The following CDH9 variants were observed in gnomAD, a reference collection of about 807,000 sequenced individuals.
CDH9 encodes cadherin 9, also known as cadherin-9.
A neutral mutation model predicts 70.9 loss-of-function variants in CDH9; 28 were observed. The ratio of observed to expected loss-of-function variants is 0.40; its 90% CI spans 0.29 to 0.54. CDH9 has a LOEUF of 0.54. CDH9 is among the 20% of genes least tolerant of loss of function. The probability of loss-of-function intolerance (pLI) is 0.59; values close to 1 mark genes in which losing one functional copy is unlikely to be tolerated. For missense variants in CDH9, 874 were observed against 984.4 expected, an observed-to-expected ratio of 0.89 and a Z score of 1.50; for synonymous variants, 409 against 343.1, an observed-to-expected ratio of 1.19 and a Z score of -2.12.
intron 2 of CDH9, among the ~76,000 whole-genome samples, chr5:26,925,239 C>T (rs1178374201): frequency 2.0e-5 from 3 of 152,138 alleles, no homozygotes; most frequent in African/African-American, 4.8e-5. Context: ...TTAATGATCG[C>T]CATTCTAACT....
At chr5:26,907,783 T>C (rs936251593) in intron 3 of CDH9, among the ~76,000 whole-genome samples, 1 of 152,046 alleles carries the variant, frequency 6.6e-6, no homozygotes, top group Admixed American at 6.6e-5. Context: ...TGTAGGACAT[T>C]TTTCAGTATA....
At chr5:26,947,299 T>A (rs1741771171) in intron 2 of CDH9, among the ~76,000 whole-genome samples, 1 of 152,130 alleles carries the variant, frequency 6.6e-6, no homozygotes. Flanking sequence ...AAATTTCTAT[T>A]CATAGAAAGA....
At chr5:26,900,900 A>G (rs1489302128) in intron 7 of CDH9, among the ~76,000 whole-genome samples, 4 of 152,080 alleles carry the variant, frequency 2.6e-5, no homozygotes, top group South Asian at 2.1e-4. Flanking sequence ...AAATAGATGA[A>G]TACTTTTATT....
intron 2 of CDH9, among the ~76,000 whole-genome samples, chr5:26,931,028 A>C (rs1262440744): frequency 6.6e-6 from 1 of 152,148 alleles, no homozygotes; most frequent in African/African-American, 2.4e-5. Context: ...TTCCACTATA[A>C]AGATTTTCAG....
chr5:26,929,752 C>A (rs1741407777), intron 2 of CDH9, among the ~76,000 whole-genome samples: 1 of 152,028 alleles, frequency 6.6e-6, no homozygotes, highest in Non-Finnish European at 1.5e-5. Flanking sequence ...GAAAAACCAA[C>A]TTTACATATT....
chr5:26,905,909 T>A (rs1197646368), intron 5 of CDH9, 50 bp downstream of exon 5: 2 of 1,353,114 alleles, frequency 1.5e-6, no homozygotes, highest in African/African-American at 2.9e-5. Context: ...ACTCGGCTAC[T>A]AGTGTATTTG....
chr5:26,902,414 G>A (rs1355060538), intron 7 of CDH9, 62 bp downstream of exon 7: 4 of 1,154,578 alleles, frequency 3.5e-6, no homozygotes, highest in Non-Finnish European at 3.7e-6. Context: ...TTTTCACACA[G>A]TTTGTAAATA....
chr5:26,906,296 A>G (rs1024762530), intron 4 of CDH9, among the ~76,000 whole-genome samples, 170 bp from the exon 5 acceptor site: 10 of 152,142 alleles, frequency 6.6e-5, no homozygotes, highest in Admixed American at 1.3e-4. Context: ...AACAGGAAGG[A>G]TTTTCCCACG....
chr5:26,932,107 C>G (rs935223706), intron 2 of CDH9, among the ~76,000 whole-genome samples: 17 of 139,218 alleles, frequency 1.2e-4, no homozygotes, highest in African/African-American at 4.4e-4. Context: ...AGTGTTATTA[C>G]TTTTCAAATA....
At chr5:26,922,629 A>G (rs1741264726) in intron 2 of CDH9, among the ~76,000 whole-genome samples, 1 of 152,026 alleles carries the variant, frequency 6.6e-6, no homozygotes, top group African/African-American at 2.4e-5. Flanking sequence ...GATATTAATG[A>G]GCAATAAGAA....
At chr5:27,036,765 G>A (rs1477434159) in intron 1 of CDH9, among the ~76,000 whole-genome samples, 2 of 151,406 alleles carry the variant, frequency 1.3e-5, no homozygotes, top group Non-Finnish European at 3.0e-5. Context: ...AGAGATGTTG[G>A]TATTTCAACA....
chr5:26,926,928 C>CA (rs750868451), intron 2 of CDH9, among the ~76,000 whole-genome samples: 117 of 128,254 alleles, frequency 9.1e-4, no homozygotes, highest in Middle Eastern at 4.2e-3. Flanking sequence ...CCCCCCCCCG[C>CA]AAAAAAAAAA....
chr5:26,949,657 AT>A (rs1306385006), intron 2 of CDH9, among the ~76,000 whole-genome samples: 1 of 152,210 alleles, frequency 6.6e-6, no homozygotes, highest in African/African-American at 2.4e-5. Flanking sequence ...TTTTCTAAAT[AT>A]TCTTTGGGTA....
chr5:26,967,948 A>G (rs1025632339), intron 2 of CDH9, among the ~76,000 whole-genome samples: 3 of 151,508 alleles, frequency 2.0e-5, no homozygotes, highest in African/African-American at 4.8e-5. Flanking sequence ...CTTGGCCTCA[A>G]GCGATTCTCT....
At chr5:26,934,778 A>C (rs1277422800) in intron 2 of CDH9, among the ~76,000 whole-genome samples, 1 of 152,216 alleles carries the variant, frequency 6.6e-6, no homozygotes, top group Non-Finnish European at 1.5e-5. Context: ...AAAAAGTGAA[A>C]GCACCAGCCC....
chr5:26,885,721 T>C lies in CDH9; in HGVS notation c.1775A>G (p.Asp592Gly), dbSNP rs779111151. ...GTLTIRVCAC[D>G]NQGNMQSCTA... ...GCAGGATTGCATGTTTCCTTGATTA[T>C]CGCAGGCACACACACGGATAGTGAG... The change falls in exon 11 of 12, where the codon GAT (aspartate) becomes GGT (glycine). Residue 592 changes from aspartate to glycine, a missense_variant. Transcript: ENST00000231021. 12 of 1,613,756 alleles carry C rather than the reference T, an allele frequency of 7.4e-6. No homozygotes were observed. The highest frequency in any genetic ancestry group is 1.7e-6 in the Non-Finnish European group (2 of 1,179,868).
intron 2 of CDH9, among the ~76,000 whole-genome samples, chr5:26,946,896 C>A (rs968573180): frequency 3.9e-5 from 6 of 152,120 alleles, no homozygotes; most frequent in East Asian, 1.9e-4. Context: ...TAGATAAATA[C>A]CATCAGGAGT....
chr5:26,881,428 A>C lies in CDH9; in HGVS notation c.2078T>G (p.Met693Arg). 6.2e-7 allele frequency: 1 copy of C among 1,613,464 alleles called. No homozygotes were observed. Among genetic ancestry groups the C allele is most frequent in the South Asian group, 1.1e-5 (1 of 91,076 alleles). The change falls in exon 12 of 12, where the codon ATG (methionine) becomes AGG (arginine). Residue 693 changes from methionine to arginine, a missense_variant. By Grantham distance (91) the Met-to-Arg change is moderately conservative. Transcript: ENST00000231021. ...REDSKLRRDV[M>R]PETIFQIRRT... ...CCTTATCTGAAAAATAGTTTCAGGC[A>C]TTACATCCCGTCTAAGTTTACTGTC... is the stretch of plus-strand genomic sequence containing the variant.
intron 1 of CDH9, among the ~76,000 whole-genome samples, chr5:27,000,734 A>G (rs1289250401): frequency 6.6e-6 from 1 of 152,282 alleles, no homozygotes; most frequent in East Asian, 1.9e-4. Context: ...AGATGAATAG[A>G]TAAACAGATT....
Sources: gnomAD v4.1 joint callset for allele counts (sites outside exome capture counted in the v4.1 genomes callset) on GRCh38, gnomAD v4.1.1 for gene constraint, MANE v1.5 for transcripts, NCBI Gene and HGNC (gene_info 2026-07-23, HGNC 2026-07-21) for gene names.